Variants in PPP2R2D observed in about 807,000 individuals in gnomAD.
PPP2R2D encodes serine/threonine-protein phosphatase 2A 55 kDa regulatory subunit B delta isoform.
PPP2R2D carries 9 observed loss-of-function variants against 31.1 expected under a neutral mutation model. The ratio of observed to expected loss-of-function variants is 0.29; its 90% CI spans 0.17 to 0.51. The LOEUF (loss-of-function observed/expected upper bound fraction) is 0.51. Among genes scored for constraint, PPP2R2D ranks in the 20% least tolerant of loss-of-function variants. The pLI, the probability that PPP2R2D is intolerant of heterozygous loss-of-function variation, is 0.98. For synonymous variants in PPP2R2D, 179 were observed against 172.6 expected (o/e 1.04, Z -0.29); for missense variants, 391 against 465.6 (o/e 0.84, Z 1.48).
rs2035479040 is a variant in PPP2R2D, at chr10:131,901,026, GCGGCGGCGGCGGCGGCGGCGC to G, written c.-116_-96del. The G allele has an allele frequency of 6.8e-6, 1 of 146,212 alleles. No homozygotes were observed. Among genetic ancestry groups the G allele is most frequent in the South Asian group, 1.9e-4 (1 of 5,370 alleles). 9.1% of individuals were successfully genotyped at this position (146,212 alleles called of 1,614,324 possible). On this transcript the variant is annotated 5_prime_UTR_variant, in exon 1 of 9. Coordinates refer to ENST00000455566, the MANE Select transcript of PPP2R2D (RefSeq NM_018461.5). ...AAGGGAAAAAAATCCCTCCCCGGCG[GCGGCGGCGGCGGCGGCGGCGC>G]CGGCGGTGGTGGCGGCCCCGGGGCT... is the stretch of plus-strand genomic sequence containing the variant.
chr10:131,904,095 T>G (rs943306971), intron 2 of PPP2R2D, among the ~76,000 whole-genome samples: 2 of 151,096 alleles, frequency 1.3e-5, no homozygotes, highest in Non-Finnish European at 2.9e-5. Flanking sequence ...TTCCAGCTCC[T>G]CAGGAGACTG....
rs560923614 is a variant in PPP2R2D at position 131,951,200 on chromosome 10, G to A, written c.1082+3409G>A. 7.2e-5 allele frequency among the ~76,000 whole-genome samples: 11 copies of A among 152,358 alleles called. No homozygotes were observed. In the South Asian group the frequency reaches 2.3e-3, roughly 32 times the overall value. ...TTGGGGGAGAGGGTGGAGACCAGTG[G>A]TCTTACCCAGTACCCTTCTTGTGAC... On this transcript the variant is annotated intron_variant, in intron 8 of 8. Transcript: ENST00000455566.
the PPP2R2D span, among the ~76,000 whole-genome samples, chr10:131,965,414 A>AC: frequency 6.6e-6 from 1 of 151,862 alleles, no homozygotes; most frequent in African/African-American, 2.4e-5. Flanking sequence ...AGGGGCACAG[A>AC]CCCCCATCAC....
intron 2 of PPP2R2D, among the ~76,000 whole-genome samples, chr10:131,914,000 C>A (rs1454612769): frequency 6.6e-6 from 1 of 152,168 alleles, no homozygotes; most frequent in Non-Finnish European, 1.5e-5. Context: ...TACCACTGCA[C>A]CGGCACACAG....
rs1260626664 is a variant in PPP2R2D at position 131,952,788 on chromosome 10, G to A, written c.1083-2896G>A. Among the ~76,000 whole-genome samples, 3 of 127,084 alleles carry A rather than the reference G, an allele frequency of 2.4e-5. 1 individual carries two copies. Among genetic ancestry groups the A allele is most frequent in the Non-Finnish European group, 4.9e-5 (3 of 61,024 alleles). The allele number at this position is 127,084 out of a possible 152,430, so 83.4% of individuals were successfully genotyped here. ...TTCACTGTCTTAGTGACTTGCGGGT[G>A]TGCAGGGGGTTCACTTAGCAGTGAC... On this transcript the variant is annotated intron_variant, in intron 8 of 8. Coordinates refer to ENST00000455566, the MANE Select transcript of PPP2R2D (RefSeq NM_018461.5).
In PPP2R2D at chr10:131,957,495, G is replaced by GTAC. The variant is rs2036823583; in HGVS notation, c.*1533_*1534insACT. ...CATGCCCCTGTCTGGATGAAGGTGT[G>GTAC]TGCTGATCCCCCGTCCCCCTGTGGA... On this transcript the variant is annotated 3_prime_UTR_variant, in exon 9 of 9. Transcript: ENST00000455566. 1 of 187,972 alleles carries GTAC rather than the reference G, an allele frequency of 5.3e-6. No homozygotes were observed. The highest frequency in any genetic ancestry group is 7.9e-5 in the South Asian group (1 of 12,644). 11.6% of individuals were successfully genotyped at this position (187,972 alleles called of 1,614,324 possible).
intron 2 of PPP2R2D, among the ~76,000 whole-genome samples, chr10:131,927,853 CTT>C (rs1466769706): frequency 2.0e-5 from 3 of 152,232 alleles, no homozygotes; most frequent in Non-Finnish European, 2.9e-5. Context: ...CTTTTCTACT[CTT>C]GACGGACATT....
chr10:131,943,907 G>T lies in PPP2R2D; in HGVS notation c.478-61G>T, dbSNP rs550869966. The T allele has an allele frequency of 9.6e-6, 7 of 731,062 alleles. No individual in the cohort carries two copies. In the African/African-American group the frequency reaches 1.2e-4, roughly 13 times the overall value. The allele number at this position is 731,062 out of a possible 1,614,324, so 45.3% of individuals were successfully genotyped here. ...TGTCCTCTTTCGTTATCTACTATAAGTGTTCTAATTATGTGCTGCTGTGAT... is the reference window on the plus strand; with the variant it reads ...TGTCCTCTTTCGTTATCTACTATAATTGTTCTAATTATGTGCTGCTGTGAT... On this transcript the variant is annotated intron_variant, in intron 5 of 8. Coordinates refer to ENST00000455566, the MANE Select transcript of PPP2R2D (RefSeq NM_018461.5).
downstream of PPP2R2D, among the ~76,000 whole-genome samples, chr10:131,962,448 A>G (rs1490673944): frequency 6.6e-6 from 1 of 152,082 alleles, no homozygotes; most frequent in Non-Finnish European, 1.5e-5. Flanking sequence ...TTCCGTTTTC[A>G]TTTTCCTTTT....
chr10:131,970,985 A>G, the PPP2R2D span: 6 of 1,609,490 alleles, frequency 3.7e-6, no homozygotes, highest in Middle Eastern at 1.6e-4. This position sits in a 1 kb window ranked among gnomAD's most constrained non-coding sequence, Gnocchi z 4.1. Context: ...GATAAAGTCA[A>G]TGTTAAAGGC....
intron 3 of PPP2R2D, among the ~76,000 whole-genome samples, chr10:131,938,496 A>G (rs1554896756): frequency 6.6e-6 from 1 of 152,230 alleles, no homozygotes; most frequent in Non-Finnish European, 1.5e-5. Context: ...TGCTCGGGAT[A>G]CAGATGAAGC....
At chr10:131,971,072 A>G in the PPP2R2D span, 1 of 1,060,742 alleles carries the variant, frequency 9.4e-7, no homozygotes, top group Non-Finnish European at 1.4e-6. Context: ...TCAATTCAAG[A>G]GCCCAGAGGC....
Position 131,956,729 on chromosome 10 carries a change from A to G in PPP2R2D, c.*766A>G, listed in dbSNP as rs1169609983. The stretch of plus-strand genomic sequence containing the variant: ...TTTCTGTAGAAGTAGCCCATCAGAT[A>G]CACCAGGTAAGGTCTGGGAAAAGCC... On this transcript the variant is annotated 3_prime_UTR_variant, in exon 9 of 9. Transcript: ENST00000455566. 3.5e-6 allele frequency: 1 copy of G among 285,200 alleles called. No individual in the cohort carries two copies. Among genetic ancestry groups the G allele is most frequent in the Non-Finnish European group, 5.3e-6 (1 of 189,894 alleles). The allele number at this position is 285,200 out of a possible 1,614,324, so 17.7% of individuals were successfully genotyped here. A position where few individuals can be genotyped will look rare whatever the true frequency, so the allele number is the denominator to read the frequency against.
chr10:131,924,342 T>C (rs1554894636), intron 2 of PPP2R2D, among the ~76,000 whole-genome samples: 1 of 152,154 alleles, frequency 6.6e-6, no homozygotes, highest in Admixed American at 6.5e-5. Context: ...TAATTACATT[T>C]ATATATAATT....
chr10:131,966,042 C>T, the PPP2R2D span, among the ~76,000 whole-genome samples: 1 of 152,272 alleles, frequency 6.6e-6, no homozygotes, highest in East Asian at 1.9e-4. Flanking sequence ...TGTGCATGTG[C>T]ATGTAGAAGT....
rs558937306 is a variant in PPP2R2D, at chr10:131,915,543, T to A, written c.100+14213T>A. Among the ~76,000 whole-genome samples the A allele has an allele frequency of 7.2e-4, 110 of 152,340 alleles. 1 individual carries two copies. The highest frequency in any genetic ancestry group is 1.4e-3 in the Non-Finnish European group (92 of 68,020). On this transcript the variant is annotated intron_variant, in intron 2 of 8. Coordinates refer to ENST00000455566, the MANE Select transcript of PPP2R2D (RefSeq NM_018461.5). ...TCCATCTCCGTTTTAACTCCCCAAC[T>A]CCGTTGCCCGCACTCCTTCCTCACT...
chr10:131,932,893 C>T (rs1201209664), intron 2 of PPP2R2D, among the ~76,000 whole-genome samples: 1 of 152,080 alleles, frequency 6.6e-6, no homozygotes, highest in African/African-American at 2.4e-5. Context: ...CTTCCCAGCA[C>T]CGACAGTTAC....
At chr10:131,937,347 A>G (rs1336427068) in intron 3 of PPP2R2D, among the ~76,000 whole-genome samples, 1 of 152,220 alleles carries the variant, frequency 6.6e-6, no homozygotes, top group African/African-American at 2.4e-5. Flanking sequence ...TGTGCGGCCC[A>G]CTGCCCTCCA....
downstream of PPP2R2D, among the ~76,000 whole-genome samples, chr10:131,961,673 C>T (rs982899834): frequency 2.6e-5 from 4 of 152,172 alleles, no homozygotes; most frequent in Non-Finnish European, 4.4e-5. Context: ...GTGACAGGTG[C>T]AGAGGCGCTG....
Sources: allele counts gnomAD v4.1 joint callset (sites outside exome capture counted in the v4.1 genomes callset), GRCh38; gene constraint gnomAD v4.1.1; non-coding constraint Gnocchi (gnomAD v3.1); transcripts MANE v1.5; gene names NCBI Gene and HGNC (gene_info 2026-07-23, HGNC 2026-07-21).